Variants in MARCHF1 observed in about 807,000 individuals in gnomAD.
The protein encoded by MARCHF1 is membrane associated ring-CH-type finger 1.
MARCHF1 carries 40 observed loss-of-function variants against 54.2 expected under a neutral mutation model. The observed-to-expected ratio is 0.74, with a 90% CI of 0.57 to 0.96. The LOEUF (loss-of-function observed/expected upper bound fraction) is 0.96. Ranked by LOEUF, MARCHF1 falls within the 40% of genes least tolerant of loss-of-function variation. The probability of loss-of-function intolerance (pLI) is 0.00; values close to 1 mark genes in which losing one functional copy is unlikely to be tolerated. For synonymous variants in MARCHF1, 236 were observed against 236.3 expected (o/e 1.00, Z 0.01); for missense variants, 586 against 656.5 (o/e 0.89, Z 1.17).
chr4:164,007,544 A>G (rs1247279133), intron 2 of MARCHF1, among the ~76,000 whole-genome samples: 2 of 151,886 alleles, frequency 1.3e-5, no homozygotes, highest in Non-Finnish European at 2.9e-5. Flanking sequence ...AGCAACAACT[A>G]AAGAGATAGG....
chr4:163,552,988 G>T (rs907470023), intron 8 of MARCHF1, among the ~76,000 whole-genome samples: 1 of 146,864 alleles, frequency 6.8e-6, no homozygotes, highest in African/African-American at 2.6e-5. Flanking sequence ...AGCCGAGATC[G>T]CGCCACTGCC....
chr4:163,897,222 T>C (rs542228954), intron 3 of MARCHF1, among the ~76,000 whole-genome samples: 1 of 152,314 alleles, frequency 6.6e-6, no homozygotes, highest in African/African-American at 2.4e-5. Flanking sequence ...ACTTTTCAGC[T>C]TATTACCTCA....
intron 3 of MARCHF1, among the ~76,000 whole-genome samples, chr4:163,890,796 A>G (rs1750645161): frequency 6.6e-6 from 1 of 152,070 alleles, no homozygotes; most frequent in African/African-American, 2.4e-5. Flanking sequence ...GGTTTGACCC[A>G]CCGGAACCCG....
At chr4:164,015,862 C>T (rs1170895747) in intron 2 of MARCHF1, among the ~76,000 whole-genome samples, 1 of 148,562 alleles carries the variant, frequency 6.7e-6, no homozygotes, top group Non-Finnish European at 1.5e-5. Flanking sequence ...TGTAAGTTAC[C>T]AACATACAGC....
intron 1 of MARCHF1, among the ~76,000 whole-genome samples, chr4:164,248,061 T>C (rs1733009421): frequency 6.6e-6 from 1 of 151,794 alleles, no homozygotes; most frequent in Non-Finnish European, 1.5e-5. Context: ...GATTATAAAA[T>C]TGAAGTTATT....
chr4:163,546,837 A>G (rs1482914955), intron 8 of MARCHF1, among the ~76,000 whole-genome samples: 2 of 152,208 alleles, frequency 1.3e-5, no homozygotes, highest in African/African-American at 4.8e-5. Flanking sequence ...TATCTCCCAT[A>G]TTTACTTTGA....
At chr4:163,828,160 C>T (rs1259545350) in intron 4 of MARCHF1, among the ~76,000 whole-genome samples, 2 of 152,030 alleles carry the variant, frequency 1.3e-5, no homozygotes, top group East Asian at 3.9e-4. Context: ...TTAATAGTTG[C>T]TCTTCACTTT....
intron 1 of MARCHF1, among the ~76,000 whole-genome samples, chr4:164,245,307 A>G: frequency 6.6e-6 from 1 of 151,354 alleles, no homozygotes; most frequent in African/African-American, 2.4e-5. Flanking sequence ...GTTCAAACCA[A>G]TAAACGTAAT....
At chr4:163,567,776 G>A (rs1739695800) in intron 8 of MARCHF1, among the ~76,000 whole-genome samples, 1 of 152,068 alleles carries the variant, frequency 6.6e-6, no homozygotes, top group Admixed American at 6.5e-5. Flanking sequence ...TCTCGGGTAT[G>A]TCTTTATCAG....
At chr4:164,245,052 C>T (rs1357628177) in intron 1 of MARCHF1, among the ~76,000 whole-genome samples, 2 of 152,128 alleles carry the variant, frequency 1.3e-5, no homozygotes, top group Non-Finnish European at 2.9e-5. Context: ...GGTACCATTC[C>T]TTCTGAAACT....
At chr4:164,350,184 G>GTAAGTA in intron 1 of MARCHF1, among the ~76,000 whole-genome samples, 1 of 152,160 alleles carries the variant, frequency 6.6e-6, no homozygotes, top group East Asian at 1.9e-4. Context: ...ATACTGATGT[G>GTAAGTA]TATGTATATG....
chr4:163,555,273 C>G (rs17657189), intron 8 of MARCHF1, among the ~76,000 whole-genome samples: 17,112 of 152,166 alleles, frequency 0.11, 1,129 homozygotes, highest in East Asian at 0.34. Flanking sequence ...CTGGCAGGCA[C>G]TCCGAGAGAT....
At chr4:164,142,869 A>C (rs138289229) in intron 1 of MARCHF1, among the ~76,000 whole-genome samples, 58,733 of 151,674 alleles carry the variant, frequency 0.39, 12,687 homozygotes, top group Non-Finnish European at 0.49. Flanking sequence ...CGATCAAATT[A>C]CTCTGAGCTA....
intron 1 of MARCHF1, among the ~76,000 whole-genome samples, chr4:164,310,780 CTG>C (rs1734828975): frequency 6.6e-6 from 1 of 151,978 alleles, no homozygotes; most frequent in African/African-American, 2.4e-5. Flanking sequence ...CATAAGGAAA[CTG>C]AGAGATCAAA....
At chr4:164,337,096 G>A (rs924020766) in intron 1 of MARCHF1, among the ~76,000 whole-genome samples, 2 of 152,092 alleles carry the variant, frequency 1.3e-5, no homozygotes, top group African/African-American at 4.8e-5. Context: ...GTAAACCTGT[G>A]AAAGTGTAAG....
chr4:164,150,739 C>A (rs1477781014), intron 1 of MARCHF1, among the ~76,000 whole-genome samples: 1 of 152,076 alleles, frequency 6.6e-6, no homozygotes, highest in East Asian at 1.9e-4. Context: ...TTATTAAAAC[C>A]ACACATTTTC....
intron 1 of MARCHF1, among the ~76,000 whole-genome samples, chr4:164,129,477 T>C (rs1756255829): frequency 6.7e-6 from 1 of 149,076 alleles, no homozygotes. Context: ...GAGACCTTCC[T>C]TCCAATTTTA....
intron 2 of MARCHF1, among the ~76,000 whole-genome samples, chr4:164,087,009 G>A (rs1755205646): frequency 6.6e-6 from 1 of 152,030 alleles, no homozygotes; most frequent in Non-Finnish European, 1.5e-5. Context: ...TGTTTAATAA[G>A]TATGTATTTA....
intron 3 of MARCHF1, among the ~76,000 whole-genome samples, chr4:163,855,913 G>T (rs751701099): frequency 2.0e-5 from 3 of 152,158 alleles, no homozygotes; most frequent in Non-Finnish European, 4.4e-5. Context: ...ACTGAAGCAG[G>T]AATAGTAGTC....
Sources: gnomAD v4.1 joint callset for allele counts (sites outside exome capture counted in the v4.1 genomes callset) on GRCh38, gnomAD v4.1.1 for gene constraint, MANE v1.5 for transcripts, NCBI Gene and HGNC (gene_info 2026-07-23, HGNC 2026-07-21) for gene names.